The following TMEM145 variants were observed in gnomAD, a reference collection of about 807,000 sequenced individuals.
TMEM145 encodes transmembrane protein 145.
Under a neutral mutation model 68.5 loss-of-function variants are expected in TMEM145, and 46 were observed. That is an observed-to-expected ratio of 0.67 (90% CI 0.53 to 0.86). TMEM145 has a LOEUF of 0.86. Ranked by LOEUF, TMEM145 falls within the 40% of genes least tolerant of loss-of-function variation. The probability of loss-of-function intolerance (pLI) is 0.00; values close to 1 mark genes in which losing one functional copy is unlikely to be tolerated. For synonymous variants in TMEM145, 255 were observed against 280.2 expected (o/e 0.91, Z 0.90); for missense variants, 570 against 645.8 (o/e 0.88, Z 1.27).
intron 13 of TMEM145, among the ~76,000 whole-genome samples, chr19:42,322,191 T>G (rs180814427): frequency 2.0e-5 from 3 of 152,198 alleles, no homozygotes; most frequent in Non-Finnish European, 4.4e-5. Context: ...TCGCTCACCT[T>G]CCCAGGCTGG....
chr19:42,323,919 C>T, intron 14 of TMEM145, 130 bp downstream of exon 14: 5 of 804,734 alleles, frequency 6.2e-6, no homozygotes, highest in East Asian at 2.8e-5. Context: ...TCGCACTCCC[C>T]GCGCCCCAAC....
Position 42,314,528 on chromosome 19 carries a change from G to A in TMEM145, c.273G>A (p.Lys91=), listed in dbSNP as rs760092646. The change falls in exon 3 of 15, where the codon AAG becomes AAA. Residue 91 remains lysine, a splice_region_variant and synonymous_variant. Coordinates refer to ENST00000301204, the MANE Select transcript of TMEM145 (RefSeq NM_173633.3). ...CAGCCGTGTACAAGGCAGGGGACAA[G>A]GTGAGGGCTGTGAAGAGGGCATAGG... ...QWPAVYKAGD[K]DCLAKESVIR... 23 of 1,614,224 alleles carry A rather than the reference G, an allele frequency of 1.4e-5. No individual in the cohort carries two copies. The highest frequency in any genetic ancestry group is 1.4e-5 in the Non-Finnish European group (17 of 1,180,042).
At chr19:42,324,270 C>G (rs1281188975) in intron 14 of TMEM145, 2 of 985,164 alleles carry the variant, frequency 2.0e-6, no homozygotes, top group Non-Finnish European at 1.2e-6. Flanking sequence ...CCCTGACCCC[C>G]CTCCCAGGCC....
intron 11 of TMEM145, among the ~76,000 whole-genome samples, 165 bp from the exon 12 acceptor site, chr19:42,317,544 C>T (rs1202878577): frequency 6.6e-6 from 1 of 152,102 alleles, no homozygotes; most frequent in African/African-American, 2.4e-5. Context: ...CTGTCTTTTT[C>T]ACCCTCTCTC....
At position 42,316,526 on chromosome 19, in the gene TMEM145, C is replaced by T; in HGVS notation, c.692C>T (p.Thr231Ile). 6 of 1,614,214 alleles carry T rather than the reference C, an allele frequency of 3.7e-6. No individual in the cohort carries two copies. The highest frequency in any genetic ancestry group is 5.1e-6 in the Non-Finnish European group (6 of 1,180,026). The change falls in exon 9 of 15, where the codon ACC becomes ATC. Residue 231 changes from threonine to isoleucine, a missense_variant. Thr to Ile is a moderately conservative substitution (Grantham distance 89). Coordinates refer to ENST00000301204, the MANE Select transcript of TMEM145 (RefSeq NM_173633.3). ...TGCATCTACTGGGGTCAATATGCCA[C>T]CGATGGCATTGGCAACGAGAGTGTG... is the stretch of plus-strand genomic sequence containing the variant. ...FFCIYWGQYA[T>I]DGIGNESVKI... is the part of the protein sequence containing the mutation.
chr19:42,323,586 A>G lies in TMEM145; in HGVS notation c.1198A>G (p.Met400Val), dbSNP rs773204766. ...CTGCTCCTGGCCCTGGCCTCAGATC[A>G]TGACCCGCCCATCAGCGGCCAACAA... Reference protein sequence around the residue: ...HLYAHGVFLIMTRPSAANKNF... With the variant: ...HLYAHGVFLIVTRPSAANKNF... The change falls in exon 14 of 15, where the codon ATG becomes GTG. Residue 400 changes from methionine (M) to valine (V), a missense_variant. Transcript: ENST00000301204. 4 of 1,613,820 alleles carry G rather than the reference A, an allele frequency of 2.5e-6. No homozygotes were observed. The highest frequency in any genetic ancestry group is 3.4e-6 in the Non-Finnish European group (4 of 1,179,954).
chr19:42,313,634 G>A lies in TMEM145; in HGVS notation c.120+138G>A. The A allele has an allele frequency of 4.8e-6, 3 of 619,134 alleles. No individual in the cohort carries two copies. Among genetic ancestry groups the A allele is most frequent in the Non-Finnish European group, 4.7e-6 (2 of 425,790 alleles). 38.4% of individuals were successfully genotyped at this position (619,134 alleles called of 1,614,324 possible). ...GCCTCGGGGGAGTGGGGCCGAGGGC[G>A]ATGGGGGACTGGGCCAGAGTCGAGG... On this transcript the variant is annotated intron_variant, in intron 1 of 14. Transcript: ENST00000301204. This position sits in a 1 kb window ranked among gnomAD's most constrained non-coding sequence, Gnocchi z 5.1.
At position 42,320,357 on chromosome 19, in the gene TMEM145, G is replaced by T. The variant is rs370100137; in HGVS notation, c.1114G>T (p.Gly372Cys). The change falls in exon 13 of 15, where the codon GGC becomes TGC. Residue 372 changes from glycine (G) to cysteine (C), a missense_variant. Transcript: ENST00000301204. ...TGTCATGGCCCTGATTGCCAATTTC[G>T]GCATCCCCAAGTGGGCCCGGGAGAA... ...VPVMALIANF[G>C]IPKWAREKIV... The T allele has an allele frequency of 4.3e-6, 7 of 1,613,972 alleles. No homozygotes were observed.
chr19:42,316,640 G>A (rs370985303), intron 9 of TMEM145, 22 bp from the exon 10 acceptor site: 17 of 1,613,424 alleles, frequency 1.1e-5, no homozygotes, highest in African/African-American at 9.3e-5. Flanking sequence ...GCTCTGAGCC[G>A]CCCCCTCCTC....
Position 42,324,825 on chromosome 19 carries a change from G to A in TMEM145, c.*8G>A. ...CCCCTTCGAGACCTCTGACCCCGCT[G>A]GACTCCGGAACACCCGTGGTGACCG... On this transcript the variant is annotated 3_prime_UTR_variant, in exon 15 of 15. Coordinates refer to ENST00000301204, the MANE Select transcript of TMEM145 (RefSeq NM_173633.3). 1 of 1,556,300 alleles carries A rather than the reference G, an allele frequency of 6.4e-7. No individual in the cohort carries two copies. Among genetic ancestry groups the A allele is most frequent in the East Asian group, 2.5e-5 (1 of 39,934 alleles).
intron 12 of TMEM145, among the ~76,000 whole-genome samples, chr19:42,319,708 A>G (rs920168878): frequency 6.6e-6 from 1 of 150,850 alleles, no homozygotes; most frequent in Non-Finnish European, 1.5e-5. Flanking sequence ...TTGGCCTCCC[A>G]AAGTACTGGG....
rs376408518 is a variant in TMEM145, at chr19:42,315,384, G to A, written c.590G>A (p.Gly197Asp). ...CCTTGCTTCCTAGATTTGCTGAAAG[G>A]TCGTCAGTTGCTCCACACAACTTAT... is the stretch of plus-strand genomic sequence containing the variant. ...LSCYFGYLLK[G>D]RQLLHTTYKM... The change falls in exon 8 of 15, where the codon GGT (glycine) becomes GAT (aspartate). Residue 197 changes from glycine (G) to aspartate (D), a missense_variant. Gly to Asp is a moderately conservative substitution (Grantham distance 94). Transcript: ENST00000301204. 1.5e-5 allele frequency: 24 copies of A among 1,614,188 alleles called. No homozygotes were observed. Among genetic ancestry groups the A allele is most frequent in the Non-Finnish European group, 2.0e-5 (24 of 1,180,038 alleles).
chr19:42,322,392 C>T (rs979519560), intron 13 of TMEM145, among the ~76,000 whole-genome samples: 18 of 152,186 alleles, frequency 1.2e-4, no homozygotes, highest in Non-Finnish European at 8.8e-5. Context: ...ATCCCATACT[C>T]AGTGAGCTAC....
intron 13 of TMEM145, among the ~76,000 whole-genome samples, chr19:42,322,373 A>G (rs1429820690): frequency 6.6e-6 from 1 of 152,116 alleles, no homozygotes; most frequent in Non-Finnish European, 1.5e-5. Flanking sequence ...TTTAATCAAC[A>G]TGCCCCAGAT....
chr19:42,317,258 TC>T (rs1223505017), intron 11 of TMEM145, among the ~76,000 whole-genome samples: 2 of 152,138 alleles, frequency 1.3e-5, no homozygotes, highest in African/African-American at 4.8e-5. Context: ...CTCTCCCACT[TC>T]CTAGCTGCCT....
At chr19:42,316,049 A>AACAAAACAAT (rs1215986247) in intron 8 of TMEM145, among the ~76,000 whole-genome samples, 2 of 150,852 alleles carry the variant, frequency 1.3e-5, no homozygotes, top group East Asian at 4.0e-4. Context: ...AACAAAACAA[A>AACAAAACAAT]ACAAAACAAT....
intron 14 of TMEM145, 24 bp downstream of exon 14, chr19:42,323,813 C>G (rs758760599): frequency 1.9e-6 from 3 of 1,608,246 alleles, no homozygotes; most frequent in East Asian, 2.2e-5. Flanking sequence ...CCCCAGCGCC[C>G]GAGGAGCTGC....
At position 42,315,090 on chromosome 19, in the gene TMEM145, G is replaced by A. The variant is rs767461398; in HGVS notation, c.505+13G>A. 1.2e-6 allele frequency: 2 copies of A among 1,614,178 alleles called. No individual in the cohort carries two copies. Among genetic ancestry groups the A allele is most frequent in the South Asian group, 1.1e-5 (1 of 91,076 alleles). ...GCTGATGAGTTTGGTGAGCACGTGG[G>A]GACCTAGAAACCAGGCTCTCTGTGG... On this transcript the variant is annotated intron_variant, in intron 6 of 14. Coordinates refer to ENST00000301204, the MANE Select transcript of TMEM145 (RefSeq NM_173633.3).
At chr19:42,322,433 C>T (rs560316869) in intron 13 of TMEM145, among the ~76,000 whole-genome samples, 15 of 152,266 alleles carry the variant, frequency 9.9e-5, no homozygotes, top group African/African-American at 3.4e-4. Flanking sequence ...AGGCTCAGAA[C>T]GGCAAGCACA....
Sources: allele counts gnomAD v4.1 joint callset (sites outside exome capture counted in the v4.1 genomes callset), GRCh38; gene constraint gnomAD v4.1.1; non-coding constraint Gnocchi (gnomAD v3.1); transcripts MANE v1.5; gene names NCBI Gene and HGNC (gene_info 2026-07-23, HGNC 2026-07-21).